Variants in MYO1E observed in about 807,000 individuals in gnomAD.
The protein encoded by MYO1E is myosin IE.
In MYO1E, 68 loss-of-function variants were observed where a neutral mutation model predicts 151.1. That is an observed-to-expected ratio of 0.45 (90% CI 0.37 to 0.55). The LOEUF is 0.55. MYO1E is among the 20% of genes least tolerant of loss of function. The pLI, the probability that MYO1E is intolerant of heterozygous loss-of-function variation, is 0.00. For synonymous variants in MYO1E, 601 were observed against 501.7 expected (o/e 1.20, Z -2.64); for missense variants, 1,363 against 1,389.3 (o/e 0.98, Z 0.30).
chr15:59,180,153 CTAAT>C (rs2079649723), intron 18 of MYO1E, among the ~76,000 whole-genome samples: 1 of 152,198 alleles, frequency 6.6e-6, no homozygotes, highest in Non-Finnish European at 1.5e-5. Context: ...CTCCTATTCC[CTAAT>C]TAGAGATAAA....
intron 16 of MYO1E, among the ~76,000 whole-genome samples, chr15:59,199,877 G>C (rs548171060): frequency 1.6e-4 from 24 of 152,282 alleles, no homozygotes; most frequent in Admixed American, 1.4e-3. Flanking sequence ...CTATGTATCT[G>C]TAAGAGGTAC....
At chr15:59,248,721 G>C (rs112414550) in intron 4 of MYO1E, among the ~76,000 whole-genome samples, 1 of 152,032 alleles carries the variant, frequency 6.6e-6, no homozygotes, top group Non-Finnish European at 1.5e-5. Flanking sequence ...GCAGAGATGG[G>C]GGGTTTTCTC....
rs183973581 is a variant in MYO1E, at chr15:59,165,348, G to C, written c.2481-2045C>G. 4.1e-4 allele frequency among the ~76,000 whole-genome samples: 62 copies of C among 152,152 alleles called. 2 individuals carry two copies. Among genetic ancestry groups the C allele is most frequent in the African/African-American group, 1.4e-3 (58 of 41,558 alleles). On this transcript the variant is annotated intron_variant, in intron 22 of 27. Transcript: ENST00000288235. ...GTCCTTTCATGGCCAGCTTACTGAA[G>C]AGCAGCCAAAGAGTTTCCCTTGGAC...
In MYO1E at chr15:59,138,134, T is replaced by C. The variant is rs1293935766; in HGVS notation, c.3250+64A>G. On this transcript the variant is annotated intron_variant, in intron 27 of 27. Transcript: ENST00000288235. ...AAATTCTTTTCATTTTCACACTAGA[T>C]CTTACAGCAATGTGACTGCATGCTC... 7 of 1,576,344 alleles carry C rather than the reference T, an allele frequency of 4.4e-6. No individual in the cohort carries two copies. In the African/African-American group the frequency reaches 8.1e-5, roughly 18 times the overall value.
chr15:59,239,027 G>A (rs2080083103), intron 4 of MYO1E, among the ~76,000 whole-genome samples: 1 of 151,008 alleles, frequency 6.6e-6, no homozygotes, highest in Admixed American at 6.6e-5. Flanking sequence ...CCAACATGGT[G>A]AATCCCCGTC....
chr15:59,321,114 C>A (rs889017569), intron 1 of MYO1E, among the ~76,000 whole-genome samples: 1 of 152,080 alleles, frequency 6.6e-6, no homozygotes, highest in Non-Finnish European at 1.5e-5. Context: ...CATAGAAATA[C>A]AAATCAAAAC....
intron 1 of MYO1E, among the ~76,000 whole-genome samples, chr15:59,356,738 C>T (rs142681618): frequency 5.3e-5 from 8 of 151,840 alleles, no homozygotes; most frequent in Admixed American, 1.3e-4. Context: ...ACACCACAAC[C>T]GGCTATTTTC....
chr15:59,346,321 G>T (rs1373439556), intron 1 of MYO1E, among the ~76,000 whole-genome samples: 6 of 152,140 alleles, frequency 3.9e-5, no homozygotes, highest in African/African-American at 1.4e-4. Context: ...CCCTGCCAAA[G>T]AGCCTACGAA....
chr15:59,222,303 G>A (rs1344889644), intron 9 of MYO1E, among the ~76,000 whole-genome samples: 1 of 152,182 alleles, frequency 6.6e-6, no homozygotes, highest in Admixed American at 6.5e-5. Flanking sequence ...CTTCCTGGGT[G>A]GTTAAAGGAT....
chr15:59,186,594 G>C (rs1354226872), intron 18 of MYO1E, among the ~76,000 whole-genome samples: 2 of 152,088 alleles, frequency 1.3e-5, no homozygotes, highest in Admixed American at 1.3e-4. Context: ...TCTACGAAAA[G>C]TAAAAAGTCA....
rs75032416 is a variant in MYO1E at position 59,178,598 on chromosome 15, C to T, written c.1905-61G>A. ...GGCGGGACCGCACTGGTTTTCTACCCGGGCAAGGCAGCAAGAGCTCTGCTC... is the reference window on the plus strand; with the variant it reads ...GGCGGGACCGCACTGGTTTTCTACCTGGGCAAGGCAGCAAGAGCTCTGCTC... On this transcript the variant is annotated intron_variant, in intron 18 of 27. Coordinates refer to ENST00000288235, the MANE Select transcript of MYO1E (RefSeq NM_004998.4). 2.7e-3 allele frequency: 4,304 copies of T among 1,588,032 alleles called. 98 individuals are homozygous for T. The African/African-American group carries it at 0.048, about 18-fold the overall frequency.
intron 26 of MYO1E, among the ~76,000 whole-genome samples, chr15:59,138,963 C>CGATA (rs2079390848): frequency 6.6e-6 from 1 of 152,092 alleles, no homozygotes; most frequent in Non-Finnish European, 1.5e-5. Context: ...CTGCAGCTAT[C>CGATA]GTTCCTTCAC....
chr15:59,150,252 G>A (rs1013064331), intron 26 of MYO1E, among the ~76,000 whole-genome samples: 1 of 152,146 alleles, frequency 6.6e-6, no homozygotes, highest in Non-Finnish European at 1.5e-5. Context: ...CTCTCCTTCC[G>A]GCCTCATGGC....
At chr15:59,149,064 T>G (rs1349256769) in intron 26 of MYO1E, among the ~76,000 whole-genome samples, 28 of 146,948 alleles carry the variant, frequency 1.9e-4, no homozygotes, top group African/African-American at 5.6e-4. Context: ...TTTTTTTTTT[T>G]TTTTTTTTTT....
intron 26 of MYO1E, among the ~76,000 whole-genome samples, chr15:59,152,790 A>C (rs1178175990): frequency 6.6e-6 from 1 of 152,114 alleles, no homozygotes; most frequent in Non-Finnish European, 1.5e-5. Context: ...ACCATTTGAC[A>C]ACACTACTCT....
chr15:59,323,937 A>G (rs1218424438), intron 1 of MYO1E, among the ~76,000 whole-genome samples: 1 of 152,026 alleles, frequency 6.6e-6, no homozygotes, highest in Non-Finnish European at 1.5e-5. Flanking sequence ...ATGAGCCCAC[A>G]GTGACTTCTC....
intron 4 of MYO1E, among the ~76,000 whole-genome samples, chr15:59,238,572 T>G (rs2080080437): frequency 6.6e-6 from 1 of 152,146 alleles, no homozygotes; most frequent in Non-Finnish European, 1.5e-5. Context: ...AGGAGGCTGG[T>G]ATAGGAATGG....
chr15:59,284,857 G>GA (rs1169493141), intron 1 of MYO1E, among the ~76,000 whole-genome samples: 4 of 152,230 alleles, frequency 2.6e-5, no homozygotes, highest in Admixed American at 2.6e-4. Context: ...TCAAGCTACA[G>GA]AATAATATGA....
At chr15:59,154,953 G>A (rs183448796) in intron 25 of MYO1E, among the ~76,000 whole-genome samples, 3 of 152,306 alleles carry the variant, frequency 2.0e-5, no homozygotes, top group East Asian at 3.9e-4. Context: ...CCCACAGGCC[G>A]TCAGACCAGA....
Sources: gnomAD v4.1 joint callset for allele counts (sites outside exome capture counted in the v4.1 genomes callset) on GRCh38, gnomAD v4.1.1 for gene constraint, MANE v1.5 for transcripts, NCBI Gene and HGNC (gene_info 2026-07-23, HGNC 2026-07-21) for gene names.